The following MXRA7 variants were observed in gnomAD, a reference collection of about 807,000 sequenced individuals.
The protein encoded by MXRA7 is matrix-remodeling-associated protein 7.
A neutral mutation model predicts 17.4 loss-of-function variants in MXRA7; 18 were observed. That is an observed-to-expected ratio of 1.03 (90% CI 0.71 to 1.53). The LOEUF is 1.53. Among genes scored for constraint, MXRA7 ranks in the 40% most tolerant of loss-of-function variants. The pLI is 0.00. For synonymous variants in MXRA7, 70 were observed against 101.7 expected, an observed-to-expected ratio of 0.69 and a Z score of 1.87; for missense variants, 141 against 209.3, an observed-to-expected ratio of 0.67 and a Z score of 2.01.
At chr17:76,705,337 G>A (rs2076644011) in intron 1 of MXRA7, among the ~76,000 whole-genome samples, 1 of 152,124 alleles carries the variant, frequency 6.6e-6, no homozygotes, top group African/African-American at 2.4e-5. Flanking sequence ...TCTACTTACA[G>A]CCCTCCAAGG....
At chr17:76,679,131 T>C (rs2076265235), downstream of MXRA7, among the ~76,000 whole-genome samples, 1 of 151,834 alleles carries the variant, frequency 6.6e-6, no homozygotes, top group African/African-American at 2.4e-5. Flanking sequence ...TCTGTCTCTA[T>C]AAAACAATTA....
chr17:76,696,005 G>A (rs1448894266), intron 1 of MXRA7, among the ~76,000 whole-genome samples: 1 of 152,070 alleles, frequency 6.6e-6, no homozygotes, highest in Admixed American at 6.6e-5. Context: ...TGAGGGAGGA[G>A]AATCTCTTGA....
At chr17:76,691,920 G>C (rs1233843012) in intron 1 of MXRA7, among the ~76,000 whole-genome samples, 3 of 152,146 alleles carry the variant, frequency 2.0e-5, no homozygotes, top group African/African-American at 4.8e-5. Flanking sequence ...CGGAGCTCGT[G>C]GTCCAGTAGG....
At chr17:76,702,580 T>G (rs555691080) in intron 1 of MXRA7, among the ~76,000 whole-genome samples, 1 of 152,310 alleles carries the variant, frequency 6.6e-6, no homozygotes, top group East Asian at 1.9e-4. Flanking sequence ...CCGGGCGCAG[T>G]GGCTTATGCC....
intron 2 of MXRA7, among the ~76,000 whole-genome samples, chr17:76,687,857 G>A (rs1227966350): frequency 2.6e-5 from 4 of 152,242 alleles, no homozygotes; most frequent in East Asian, 1.9e-4. Context: ...CAGGCAGGGC[G>A]TGTAGTGTGT....
intron 2 of MXRA7, among the ~76,000 whole-genome samples, chr17:76,685,467 G>A (rs576492605): frequency 6.8e-4 from 104 of 152,270 alleles, no homozygotes; most frequent in Non-Finnish European, 1.1e-3. Context: ...AGGTCCTCTC[G>A]GCTACTGAGC....
chr17:76,699,435 C>T (rs1198069460), intron 1 of MXRA7, among the ~76,000 whole-genome samples: 3 of 152,190 alleles, frequency 2.0e-5, no homozygotes, highest in African/African-American at 7.2e-5. Context: ...CAGAAGCCAC[C>T]ACACCCAGCC....
chr17:76,697,930 GC>G (rs1361765132), intron 1 of MXRA7, among the ~76,000 whole-genome samples: 18 of 151,534 alleles, frequency 1.2e-4, no homozygotes, highest in African/African-American at 4.4e-4. Flanking sequence ...GATAGATAAG[GC>G]GGGGGGAGGG....
chr17:76,691,636 T>C (rs1033530300), intron 1 of MXRA7, among the ~76,000 whole-genome samples: 2 of 151,664 alleles, frequency 1.3e-5, no homozygotes, highest in African/African-American at 4.8e-5. Context: ...CTGGAGAAGG[T>C]GTTGGTTGCA....
intron 1 of MXRA7, among the ~76,000 whole-genome samples, chr17:76,708,855 C>T (rs569618716): frequency 2.6e-5 from 4 of 152,190 alleles, no homozygotes; most frequent in South Asian, 2.1e-4. Context: ...GGTGCCTTAG[C>T]GGGAGGACAG....
At chr17:76,674,297 C>T (rs2076223530) in exon 4 of MXRA7, 1 of 152,058 alleles carries the variant, frequency 6.6e-6, no homozygotes, top group African/African-American at 2.4e-5. Flanking sequence ...TTCTTTCTGC[C>T]CTCCTTTATG....
At chr17:76,687,340 T>C (rs2076410806) in intron 2 of MXRA7, among the ~76,000 whole-genome samples, 1 of 152,238 alleles carries the variant, frequency 6.6e-6, no homozygotes, top group African/African-American at 2.4e-5. Context: ...TGAAACCTTC[T>C]CTTTCCACTG....
At chr17:76,689,640 G>A (rs1158425473) in intron 1 of MXRA7, 1 of 152,140 alleles carries the variant, frequency 6.6e-6, no homozygotes, top group East Asian at 1.9e-4. Flanking sequence ...CCCACTTCTA[G>A]GGATCTGCTC....
chr17:76,702,596 T>A (rs928754575), intron 1 of MXRA7, among the ~76,000 whole-genome samples: 4 of 152,196 alleles, frequency 2.6e-5, no homozygotes, highest in Non-Finnish European at 1.5e-5. Context: ...ATGCCTGTAA[T>A]CCCAGTACTT....
At chr17:76,683,830 G>C in intron 3 of MXRA7, 1 of 1,605,962 alleles carries the variant, frequency 6.2e-7, no homozygotes, top group Middle Eastern at 1.7e-4. Context: ...ACTAGTCTAA[G>C]AAATCAGTGT....
At chr17:76,693,032 T>C (rs1286762670) in intron 1 of MXRA7, among the ~76,000 whole-genome samples, 1 of 152,142 alleles carries the variant, frequency 6.6e-6, no homozygotes, top group Non-Finnish European at 1.5e-5. Flanking sequence ...AATCTAGCAC[T>C]TGACTGTCAG....
At chr17:76,687,382 A>G (rs1010462798) in intron 2 of MXRA7, among the ~76,000 whole-genome samples, 1 of 152,260 alleles carries the variant, frequency 6.6e-6, no homozygotes, top group African/African-American at 2.4e-5. Context: ...ACATCACAAA[A>G]GCAGACTTGC....
At chr17:76,688,481 T>A (rs1351294689) in intron 1 of MXRA7, 1 of 1,337,078 alleles carries the variant, frequency 7.5e-7, no homozygotes, top group African/African-American at 1.5e-5. Flanking sequence ...TTTGGAGAAG[T>A]GGGCCCAGGA....
chr17:76,699,682 C>T (rs1207432245), intron 1 of MXRA7, among the ~76,000 whole-genome samples: 1 of 152,186 alleles, frequency 6.6e-6, no homozygotes, highest in East Asian at 1.9e-4. Context: ...GTGCTCTTTG[C>T]ACCATGGCCT....
Sources: allele counts gnomAD v4.1 joint callset (sites outside exome capture counted in the v4.1 genomes callset), GRCh38; gene constraint gnomAD v4.1.1; transcripts MANE v1.5; gene names NCBI Gene and HGNC (gene_info 2026-07-23, HGNC 2026-07-21).